The following SLU7 variants were observed in gnomAD, a reference collection of about 807,000 sequenced individuals.
SLU7 encodes spliceosome associated SLU7.
Under a neutral mutation model 87.0 loss-of-function variants are expected in SLU7, and 60 were observed. The ratio of observed to expected loss-of-function variants is 0.69; its 90% confidence interval spans 0.56 to 0.86. The LOEUF (loss-of-function observed/expected upper bound fraction) is 0.86. SLU7 is among the 40% of genes least tolerant of loss of function. The pLI is 0.00. For missense variants in SLU7, 507 were observed against 686.6 expected, an observed-to-expected ratio of 0.74 and a Z score of 2.92; for synonymous variants, 197 against 222.0, an observed-to-expected ratio of 0.89 and a Z score of 1.00.
intron 8 of SLU7, 78 bp downstream of exon 8, chr5:160,408,251 T>C (rs1243060492): frequency 6.9e-7 from 1 of 1,448,038 alleles, no homozygotes; most frequent in Non-Finnish European, 9.5e-7. Context: ...ATTATCCATA[T>C]GCTACCCAGA....
In SLU7 at chr5:160,412,624, AC is replaced by A. The variant is rs1765289603; in HGVS notation, c.571-106del. On this transcript the variant is annotated intron_variant, in intron 5 of 15. Coordinates refer to ENST00000297151, the MANE Select transcript of SLU7 (RefSeq NM_006425.5). ...AATTTTTATATATTTAAAATGAATA[AC>A]TTTAAATTAATTTATTTCAGAAAAG... The A allele has an allele frequency of 7.2e-5, 49 of 682,488 alleles. 1 individual carries two copies. In the Middle Eastern group the frequency reaches 1.2e-3, roughly 17 times the overall value. The allele number at this position is 682,488 out of a possible 1,614,324, so 42.3% of individuals were successfully genotyped here.
In SLU7 at chr5:160,413,997, G is replaced by T; in HGVS notation, c.325-18C>A. 6.9e-7 allele frequency: 1 copy of T among 1,439,990 alleles called. No homozygotes were observed. Among genetic ancestry groups the T allele is most frequent in the Non-Finnish European group, 9.4e-7 (1 of 1,061,068 alleles). The allele number at this position is 1,439,990 out of a possible 1,614,324, so 89.2% of individuals were successfully genotyped here. A position where few individuals can be genotyped will look rare whatever the true frequency, so the allele number is the denominator to read the frequency against. ...ATGGAATTCTATAAATATATATAAA[G>T]AAAAACAAAAATGTCTTAACCACGT... is the stretch of plus-strand genomic sequence containing the variant. On this transcript the variant is annotated intron_variant, in intron 3 of 15. Transcript: ENST00000297151.
chr5:160,405,070 C>T lies in SLU7; in HGVS notation c.1353G>A (p.Lys451=). The stretch of plus-strand genomic sequence containing the variant: ...CAGCTTCTCCAGTACAATAGGAATA[C>T]TTGAAAAAAGAGTGACAGCATTTGT... ...WGYKCCHSFF[K]YSYCTGEAGK... is the part of the protein sequence containing the mutation. The change falls in exon 13 of 16, where the codon AAG becomes AAA. Residue 451 remains lysine, a synonymous_variant. Transcript: ENST00000297151. The T allele has an allele frequency of 6.2e-7, 1 of 1,613,754 alleles. No individual in the cohort carries two copies.
At position 160,402,326 on chromosome 5, in the gene SLU7, T is replaced by C. The variant is rs1764815986; in HGVS notation, c.*959A>G. On this transcript the variant is annotated 3_prime_UTR_variant, in exon 16 of 16. Transcript: ENST00000297151. The stretch of plus-strand genomic sequence containing the variant: ...CTTATGTCCAGAATGGTAAAAGACC[T>C]ACTACTGATCAGTCAATATTGACCC... The C allele has an allele frequency of 6.6e-6, 1 of 152,160 alleles. No individual in the cohort carries two copies. Among genetic ancestry groups the C allele is most frequent in the South Asian group, 2.1e-4 (1 of 4,832 alleles). 9.4% of individuals were successfully genotyped at this position (152,160 alleles called of 1,614,324 possible).
rs1193096906 is a variant in SLU7, at chr5:160,408,346, G to A, written c.802C>T (p.Arg268Ter). 4.4e-6 allele frequency: 7 copies of A among 1,608,002 alleles called. No individual in the cohort carries two copies. The African/African-American group carries it at 5.4e-5, about 12-fold the overall frequency. ...RRITVRNLRI[R>*]EDIAKYLRNL... ...AGACTTACTTTTGCAATATCTTCTCGAATCCTGAGATTCCGGACAGTAATT... is the reference window on the plus strand; with the variant it reads ...AGACTTACTTTTGCAATATCTTCTCAAATCCTGAGATTCCGGACAGTAATT... Residue 268 changes from arginine to a stop codon, truncating the protein, a stop_gained, in exon 8 of 16, where the codon CGA becomes TGA. Coordinates refer to ENST00000297151, the MANE Select transcript of SLU7 (RefSeq NM_006425.5). LOFTEE classifies it high-confidence loss of function.
At chr5:160,409,958 T>C (rs943954517) in intron 6 of SLU7, among the ~76,000 whole-genome samples, 1 of 152,234 alleles carries the variant, frequency 6.6e-6, no homozygotes, top group Non-Finnish European at 1.5e-5. Flanking sequence ...GAGACTTCGC[T>C]GTGCATCTTC....
intron 12 of SLU7, among the ~76,000 whole-genome samples, chr5:160,406,175 ATATGTG>A (rs1237004866): frequency 6.6e-6 from 1 of 152,232 alleles, no homozygotes; most frequent in African/African-American, 2.4e-5. Context: ...ATGTGTGTAT[ATATGTG>A]TATTTTACAT....
At chr5:160,411,680 A>G (rs1765245620) in intron 6 of SLU7, among the ~76,000 whole-genome samples, 1 of 152,238 alleles carries the variant, frequency 6.6e-6, no homozygotes, top group African/African-American at 2.4e-5. Context: ...TAAACTAAAA[A>G]ACTATAAATG....
In SLU7 at chr5:160,414,402, T is replaced by C; in HGVS notation, c.241A>G (p.Thr81Ala). 6.2e-7 allele frequency: 1 copy of C among 1,611,846 alleles called. No individual in the cohort carries two copies. The highest frequency in any genetic ancestry group is 8.5e-7 in the Non-Finnish European group (1 of 1,178,574). The change falls in exon 3 of 16, where the codon ACT becomes GCT. Residue 81 changes from threonine (T) to alanine (A), a missense_variant. Transcript: ENST00000297151. ...GGTTGTGGTCTCTGGTGTTTTAAAG[T>C]AGGTCTTTTTGAAGGATCAATATAC... is the stretch of plus-strand genomic sequence containing the variant. Reference protein sequence around the residue: ...PWYIDPSKRPTLKHQRPQPEK... With the variant: ...PWYIDPSKRPALKHQRPQPEK...
rs1345636572 is a variant in SLU7, at chr5:160,401,999, T to C, written c.*1286A>G. Reference sequence around the variant, plus strand: ...TGTCAGAGGTTTTGTTAGGCTGTTTTCACTGATTCTACTGTCAGTATTATC... The same window carrying C: ...TGTCAGAGGTTTTGTTAGGCTGTTTCCACTGATTCTACTGTCAGTATTATC... On this transcript the variant is annotated 3_prime_UTR_variant, in exon 16 of 16. Transcript: ENST00000297151. The C allele has an allele frequency of 4.1e-5, 2 of 49,094 alleles. No individual in the cohort carries two copies. Among genetic ancestry groups the C allele is most frequent in the Admixed American group, 2.2e-4 (1 of 4,494 alleles). The allele number at this position is 49,094 out of a possible 1,614,324, so 3.0% of individuals were successfully genotyped here. A position where few individuals can be genotyped will look rare whatever the true frequency, so the allele number is the denominator to read the frequency against.
intron 1 of SLU7, 102 bp from the exon 2 acceptor site, chr5:160,415,412 T>C (rs1335586372): frequency 3.5e-6 from 3 of 854,294 alleles, no homozygotes; most frequent in Non-Finnish European, 5.0e-6. Context: ...CATATGTTTT[T>C]TTTTCTCCTA....
rs752492764 is a variant in SLU7, at chr5:160,414,485, TAAAAA to T, written c.171-18_171-14del. 9.5e-6 allele frequency: 11 copies of T among 1,161,290 alleles called. No homozygotes were observed. The highest frequency in any genetic ancestry group is 1.3e-5 in the Non-Finnish European group (11 of 859,936). 71.9% of individuals were successfully genotyped at this position (1,161,290 alleles called of 1,614,324 possible). ...GGGGTTGATGTCTCTGTAATTAAAG[TAAAAA>T]AAAAAAAAATTTAAGGATAAAATTG... On this transcript the variant is annotated splice_polypyrimidine_tract_variant and intron_variant, in intron 2 of 15. Coordinates refer to ENST00000297151, the MANE Select transcript of SLU7 (RefSeq NM_006425.5).
chr5:160,417,781 G>A (rs1765516847), intron 1 of SLU7, among the ~76,000 whole-genome samples: 1 of 107,046 alleles, frequency 9.3e-6, no homozygotes, highest in Admixed American at 1.3e-4. Context: ...GACAGAGCTA[G>A]ACTACGTCTC....
chr5:160,408,126 A>ATAGTCT, intron 8 of SLU7, 58 bp from the exon 9 acceptor site: 1 of 1,313,532 alleles, frequency 7.6e-7, no homozygotes, highest in East Asian at 2.3e-5. Context: ...AGATTTCAGC[A>ATAGTCT]GACTAGTTGG....
chr5:160,418,074 T>C (rs1765533162), intron 1 of SLU7, among the ~76,000 whole-genome samples: 2 of 152,222 alleles, frequency 1.3e-5, no homozygotes, highest in South Asian at 4.1e-4. Context: ...ACGATGCTTC[T>C]CAAAGGTGTT....
At chr5:160,417,011 T>C (rs1468313488) in intron 1 of SLU7, 2 of 152,230 alleles carry the variant, frequency 1.3e-5, no homozygotes, top group Non-Finnish European at 2.9e-5. Context: ...CCGTTTTGCT[T>C]GGCTCTCATT....
rs141199797 is a variant in SLU7, at chr5:160,413,591, T to A, written c.435A>T (p.Thr145=). Residue 145 remains threonine (T), a synonymous_variant, in exon 5 of 16, where the codon ACA becomes ACT. Coordinates refer to ENST00000297151, the MANE Select transcript of SLU7 (RefSeq NM_006425.5). ...ERPRRVGAKF[T]GTNIAPDEHV... is the part of the protein sequence containing the mutation. ...GTTCATCTGGAGCTATATTAGTACC[T>A]GTAAATTTGGCTCCAACTCGCCTAG... is the stretch of plus-strand genomic sequence containing the variant. 2.6e-5 allele frequency: 42 copies of A among 1,612,742 alleles called. 1 individual carries two copies. In the African/African-American group the frequency reaches 5.1e-4, roughly 19 times the overall value.
chr5:160,414,686 C>T (rs1765379597), intron 2 of SLU7, among the ~76,000 whole-genome samples: 1 of 151,746 alleles, frequency 6.6e-6, no homozygotes, highest in Non-Finnish European at 1.5e-5. Context: ...AACTAAGAAA[C>T]TAAGAATAGT....
intron 6 of SLU7, among the ~76,000 whole-genome samples, chr5:160,410,120 A>G (rs1179379428): frequency 6.6e-6 from 1 of 152,244 alleles, no homozygotes; most frequent in African/African-American, 2.4e-5. Context: ...AGATGGATTC[A>G]TGTAAGAAAC....
Sources: gnomAD v4.1 joint callset for allele counts (sites outside exome capture counted in the v4.1 genomes callset) on GRCh38, gnomAD v4.1.1 for gene constraint, MANE v1.5 for transcripts, NCBI Gene and HGNC (gene_info 2026-07-23, HGNC 2026-07-21) for gene names.